Variants in EIPR1 observed in about 807,000 individuals in gnomAD.
EIPR1 encodes EARP and GARP complex-interacting protein 1.
Under a neutral mutation model 48.1 loss-of-function variants are expected in EIPR1, and 25 were observed. The observed-to-expected ratio is 0.52, with a 90% CI of 0.38 to 0.73. The LOEUF (loss-of-function observed/expected upper bound fraction) is 0.73, where lower values mean the gene tolerates loss of function less well. Among genes scored for constraint, EIPR1 ranks in the 30% least tolerant of loss-of-function variants. The pLI is 0.00. For synonymous variants in EIPR1, 204 were observed against 201.9 expected, an observed-to-expected ratio of 1.01 and a Z score of -0.09; for missense variants, 415 against 506.2, an observed-to-expected ratio of 0.82 and a Z score of 1.73.
intron 4 of EIPR1, among the ~76,000 whole-genome samples, chr2:3,214,656 G>C (rs1207703860): frequency 6.6e-6 from 1 of 152,178 alleles, no homozygotes; most frequent in Non-Finnish European, 1.5e-5. Context: ...TCAGCCTACA[G>C]CTGGGAAAAT....
At chr2:3,231,858 T>C (rs1266470689) in intron 4 of EIPR1, among the ~76,000 whole-genome samples, 1 of 152,230 alleles carries the variant, frequency 6.6e-6, no homozygotes, top group African/African-American at 2.4e-5. Context: ...TAAAATAAGT[T>C]TGGAAGTGTT....
intron 5 of EIPR1, among the ~76,000 whole-genome samples, chr2:3,211,990 G>A (rs574549921): frequency 4.6e-5 from 7 of 152,298 alleles, no homozygotes; most frequent in African/African-American, 1.7e-4. Context: ...CAATTTAATT[G>A]CAAAAGGTAA....
intron 3 of EIPR1, among the ~76,000 whole-genome samples, chr2:3,308,083 T>C (rs1464491409): frequency 3.3e-5 from 5 of 152,226 alleles, no homozygotes; most frequent in African/African-American, 1.2e-4. Context: ...CTGTCGGCCG[T>C]GTGTGGCCAC....
chr2:3,345,037 G>C (rs1233252691), intron 2 of EIPR1, among the ~76,000 whole-genome samples: 1 of 152,096 alleles, frequency 6.6e-6, no homozygotes, highest in Non-Finnish European at 1.5e-5. Context: ...CAGTGGGAGA[G>C]AAAAAAGACT....
chr2:3,293,752 C>T (rs1011679126), intron 3 of EIPR1, among the ~76,000 whole-genome samples: 3 of 152,218 alleles, frequency 2.0e-5, no homozygotes, highest in Admixed American at 6.5e-5. Context: ...CACCCCAGGA[C>T]GCAGAGGCAG....
At chr2:3,215,806 T>C (rs1665612251) in intron 4 of EIPR1, among the ~76,000 whole-genome samples, 1 of 152,226 alleles carries the variant, frequency 6.6e-6, no homozygotes, top group African/African-American at 2.4e-5. Context: ...AATCACAACA[T>C]TAACATCATT....
chr2:3,374,151 G>T (rs1021213036), intron 1 of EIPR1, among the ~76,000 whole-genome samples: 3 of 150,966 alleles, frequency 2.0e-5, no homozygotes, highest in Non-Finnish European at 4.4e-5. Context: ...TTTAATAAAT[G>T]GTGCTGGGAA....
intron 2 of EIPR1, among the ~76,000 whole-genome samples, chr2:3,344,180 C>A (rs1021212517): frequency 6.6e-6 from 1 of 152,228 alleles, no homozygotes; most frequent in Admixed American, 6.5e-5. Context: ...GATGGCAAAC[C>A]CCCCAGCTCT....
At chr2:3,231,992 A>G (rs1666257805) in intron 4 of EIPR1, among the ~76,000 whole-genome samples, 1 of 152,132 alleles carries the variant, frequency 6.6e-6, no homozygotes, top group South Asian at 2.1e-4. Flanking sequence ...GAGATTTTTG[A>G]TTACTGATTT....
chr2:3,340,314 C>G (rs556891782), intron 2 of EIPR1, among the ~76,000 whole-genome samples: 1 of 152,318 alleles, frequency 6.6e-6, no homozygotes, highest in African/African-American at 2.4e-5. Flanking sequence ...GCACCGGGTC[C>G]TGGGGCCAAG....
chr2:3,343,218 T>C (rs557443664), intron 2 of EIPR1, among the ~76,000 whole-genome samples: 206 of 150,446 alleles, frequency 1.4e-3, no homozygotes, highest in African/African-American at 4.6e-3. Context: ...CAAGCCAGAG[T>C]GAGAGGCAGC....
rs866653963 is a variant in EIPR1, at chr2:3,368,063, A to T, written c.42+9585T>A. 5.3e-5 allele frequency among the ~76,000 whole-genome samples: 8 copies of T among 152,260 alleles called. No individual in the cohort carries two copies. The Middle Eastern group carries it at 0.01, about 194-fold the overall frequency. On this transcript the variant is annotated intron_variant, in intron 1 of 8. Transcript: ENST00000382125. ...GTCTCAAAAAAAGAAAAAAGAAAAG[A>T]AAATTTAATCTCCATCTTCCATTTC... is the stretch of plus-strand genomic sequence containing the variant.
rs1664720058 is a variant in EIPR1, at chr2:3,194,308, C to T, written c.654-142G>A. 3 of 991,192 alleles carry T rather than the reference C, an allele frequency of 3.0e-6. No homozygotes were observed. In the South Asian group the frequency reaches 5.0e-5, roughly 16 times the overall value. 61.4% of individuals were successfully genotyped at this position (991,192 alleles called of 1,614,324 possible). ...CTCTCATCCCCTCGGCGTTCCTGCC[C>T]TGCAGGAAGAGGCTGGCGCCACCTC... On this transcript the variant is annotated intron_variant, in intron 6 of 8. Coordinates refer to ENST00000382125, the MANE Select transcript of EIPR1 (RefSeq NM_003310.5).
chr2:3,253,389 AG>A (rs748094825), intron 4 of EIPR1, among the ~76,000 whole-genome samples: 10 of 152,160 alleles, frequency 6.6e-5, no homozygotes, highest in Non-Finnish European at 1.3e-4. Context: ...GGACCCCCTG[AG>A]GGCCGTGGTC....
chr2:3,338,143 T>A lies in EIPR1; in HGVS notation c.133A>T (p.Ile45Phe), dbSNP rs754387878. Residue 45 changes from isoleucine (I) to phenylalanine (F), a missense_variant, in exon 3 of 9, where the codon ATC becomes TTC. Transcript: ENST00000382125. Reference protein sequence around the residue: ...QSLKYDNQIHIIDFDDENNII... With the variant: ...QSLKYDNQIHFIDFDDENNII... The stretch of plus-strand genomic sequence containing the variant: ...TTGTTTTCATCGTCAAAATCTATGA[T>A]ATGGATCTACAAATACAAGAAAAGA... The A allele has an allele frequency of 1.9e-6, 3 of 1,609,652 alleles. No homozygotes were observed. The highest frequency in any genetic ancestry group is 2.5e-6 in the Non-Finnish European group (3 of 1,179,120).
chr2:3,287,708 C>A (rs750853979), intron 3 of EIPR1, among the ~76,000 whole-genome samples: 6 of 151,722 alleles, frequency 4.0e-5, no homozygotes, highest in Non-Finnish European at 5.9e-5. Context: ...TCATTCACCA[C>A]GCTCCAGAAA....
intron 2 of EIPR1, among the ~76,000 whole-genome samples, chr2:3,348,637 G>A (rs1670474731): frequency 6.6e-6 from 1 of 152,224 alleles, no homozygotes; most frequent in Non-Finnish European, 1.5e-5. Flanking sequence ...ATCCCTCAGA[G>A]GAAAGTCAGC....
intron 3 of EIPR1, chr2:3,318,745 G>T: frequency 2.3e-6 from 1 of 432,260 alleles, no homozygotes; most frequent in Non-Finnish European, 4.9e-6. Flanking sequence ...CTCACACACC[G>T]TTCCAAACTC....
chr2:3,321,083 T>C (rs567934970), intron 3 of EIPR1, among the ~76,000 whole-genome samples: 1 of 152,316 alleles, frequency 6.6e-6, no homozygotes, highest in South Asian at 2.1e-4. Context: ...ACCTGAAGCA[T>C]GCTGCTGAGG....
Sources: gnomAD v4.1 joint callset for allele counts (sites outside exome capture counted in the v4.1 genomes callset) on GRCh38, gnomAD v4.1.1 for gene constraint, MANE v1.5 for transcripts, NCBI Gene and HGNC (gene_info 2026-07-23, HGNC 2026-07-21) for gene names.